The following PLD5 variants were observed in gnomAD, a reference collection of about 807,000 sequenced individuals.
PLD5 encodes the protein phospholipase D family member 5.
In PLD5, 36 loss-of-function variants were observed where a neutral mutation model predicts 61.1. That is an observed-to-expected ratio of 0.59 (90% CI 0.45 to 0.78). PLD5 has a LOEUF of 0.78. PLD5 is among the 30% of genes least tolerant of loss of function. PLD5 has a pLI of 0.00. For synonymous variants in PLD5, 243 were observed against 242.8 expected, an observed-to-expected ratio of 1.00 and a Z score of -0.01; for missense variants, 515 against 644.4, an observed-to-expected ratio of 0.80 and a Z score of 2.17.
chr1:242,398,569 T>C (rs773375449), intron 1 of PLD5, among the ~76,000 whole-genome samples: 4 of 152,224 alleles, frequency 2.6e-5, no homozygotes, highest in Admixed American at 6.5e-5. Flanking sequence ...AACTCTTGTA[T>C]TGTAATCATA....
At chr1:242,304,480 G>A (rs1224589249) in intron 2 of PLD5, among the ~76,000 whole-genome samples, 1 of 152,162 alleles carries the variant, frequency 6.6e-6, no homozygotes, top group Non-Finnish European at 1.5e-5. Flanking sequence ...CACATTGAAG[G>A]GGATGAGACA....
At chr1:242,178,995 T>C (rs1209477912) in intron 5 of PLD5, among the ~76,000 whole-genome samples, 2 of 152,226 alleles carry the variant, frequency 1.3e-5, no homozygotes, top group Non-Finnish European at 2.9e-5. Flanking sequence ...GGGAGCTGAA[T>C]ATTCAGGGAA....
At position 242,449,522 on chromosome 1, in the gene PLD5, C is replaced by T. The variant is rs994470676; in HGVS notation, c.189+74566G>A. The T allele has an allele frequency of 3.6e-5, 54 of 1,479,724 alleles. No individual in the cohort carries two copies. In the South Asian group the frequency reaches 6.1e-4, roughly 17 times the overall value. The allele number at this position is 1,479,724 out of a possible 1,614,324, so 91.7% of individuals were successfully genotyped here. ...AGTCCCTCAATTGCTGGCCTCAATG[C>T]TTTGGAAATCAGCCAAACTGAGCAC... On this transcript the variant is annotated intron_variant, in intron 1 of 9. Coordinates refer to ENST00000536534, the MANE Select transcript of PLD5 (RefSeq NM_001372062.1).
At chr1:242,291,588 T>C (rs1675368174) in intron 2 of PLD5, among the ~76,000 whole-genome samples, 1 of 151,930 alleles carries the variant, frequency 6.6e-6, no homozygotes, top group South Asian at 2.1e-4. Context: ...GGGCGGATCA[T>C]GAGGTCAGGA....
chr1:242,354,281 T>C (rs1233427674), intron 1 of PLD5, among the ~76,000 whole-genome samples: 1 of 152,168 alleles, frequency 6.6e-6, no homozygotes, highest in East Asian at 1.9e-4. Context: ...ATGGCCTTTT[T>C]CCTAGAGAGT....
chr1:242,506,129 C>T (rs1333955379), intron 1 of PLD5, among the ~76,000 whole-genome samples: 1 of 152,146 alleles, frequency 6.6e-6, no homozygotes, highest in African/African-American at 2.4e-5. Flanking sequence ...AGAATTTTAA[C>T]ACTGGGGGAA....
intron 3 of PLD5, 134 bp from the exon 4 acceptor site, chr1:242,265,582 T>C: frequency 2.6e-6 from 2 of 758,988 alleles, no homozygotes; most frequent in South Asian, 4.4e-5. Context: ...ACAACTGGTA[T>C]TCAGATTTAT....
At position 242,241,673 on chromosome 1, in the gene PLD5, C is replaced by G. The variant is rs1472952698; in HGVS notation, c.608-21558G>C. 2.0e-5 allele frequency among the ~76,000 whole-genome samples: 3 copies of G among 151,854 alleles called. No individual in the cohort carries two copies. The South Asian group carries it at 6.3e-4, about 32-fold the overall frequency. On this transcript the variant is annotated intron_variant, in intron 4 of 9. Coordinates refer to ENST00000536534, the MANE Select transcript of PLD5 (RefSeq NM_001372062.1). ...GAGGCCTGGAAACTTCTACAGGCCACTTGGTTATAAATGTGCGCAGGTTGG... is the reference window on the plus strand; with the variant it reads ...GAGGCCTGGAAACTTCTACAGGCCAGTTGGTTATAAATGTGCGCAGGTTGG...
intron 1 of PLD5, among the ~76,000 whole-genome samples, chr1:242,408,323 A>ACAATGGTG (rs112341059): frequency 0.04 from 6,094 of 152,198 alleles, 414 homozygotes; most frequent in African/African-American, 0.14. Flanking sequence ...AGTTAGAAAA[A>ACAATGGTG]CAATGGTGTT....
intron 1 of PLD5, among the ~76,000 whole-genome samples, chr1:242,441,694 C>T (rs545798132): frequency 6.1e-4 from 93 of 152,146 alleles, no homozygotes; most frequent in Non-Finnish European, 1.2e-3. Flanking sequence ...GTCAGACAGA[C>T]ACCCCTCTTC....
chr1:242,132,423 A>G (rs1663370927), intron 5 of PLD5, among the ~76,000 whole-genome samples: 1 of 152,174 alleles, frequency 6.6e-6, no homozygotes, highest in South Asian at 2.1e-4. Flanking sequence ...ACAGATGCCC[A>G]GTTTGTTGTT....
At chr1:242,488,211 C>A (rs1668027788) in intron 1 of PLD5, among the ~76,000 whole-genome samples, 1 of 152,134 alleles carries the variant, frequency 6.6e-6, no homozygotes, top group Non-Finnish European at 1.5e-5. Flanking sequence ...AGCAATTGCA[C>A]CCCTAGGTAT....
At chr1:242,267,602 C>A (rs1673764886) in intron 3 of PLD5, among the ~76,000 whole-genome samples, 1 of 152,024 alleles carries the variant, frequency 6.6e-6, no homozygotes, top group Admixed American at 6.6e-5. Context: ...AAAAAAGAGG[C>A]AGAGGCCGAG....
chr1:242,411,046 AAAT>A (rs1200712567), intron 1 of PLD5, among the ~76,000 whole-genome samples: 1 of 152,220 alleles, frequency 6.6e-6, no homozygotes, highest in Non-Finnish European at 1.5e-5. Context: ...TTGGAAGACA[AAAT>A]GATGATCTAA....
At chr1:242,304,053 T>TG (rs1676210867) in intron 2 of PLD5, among the ~76,000 whole-genome samples, 1 of 152,140 alleles carries the variant, frequency 6.6e-6, no homozygotes. Flanking sequence ...GATGCTTATC[T>TG]GGGGTAAATT....
chr1:242,225,671 C>T (rs1006688167), intron 4 of PLD5, among the ~76,000 whole-genome samples: 20 of 151,464 alleles, frequency 1.3e-4, no homozygotes, highest in South Asian at 6.4e-4. Flanking sequence ...ACATAACGCA[C>T]GTGAGACACA....
intron 4 of PLD5, among the ~76,000 whole-genome samples, chr1:242,248,790 T>C (rs570933340): frequency 1.2e-4 from 19 of 152,228 alleles, no homozygotes; most frequent in Non-Finnish European, 2.4e-4. Flanking sequence ...GCCTACAAAA[T>C]TGTGTATCTC....
upstream of PLD5, among the ~76,000 whole-genome samples, chr1:242,529,129 C>A (rs59077978): frequency 0.05 from 7,581 of 152,186 alleles, 632 homozygotes; most frequent in African/African-American, 0.18. Flanking sequence ...TCTGTAGAAA[C>A]AATTGAATAA....
chr1:242,410,742 A>G (rs1246238637), intron 1 of PLD5, among the ~76,000 whole-genome samples: 1 of 152,066 alleles, frequency 6.6e-6, no homozygotes, highest in Non-Finnish European at 1.5e-5. Context: ...CCTACTGCTC[A>G]AGGTCATCGC....
Sources: allele counts gnomAD v4.1 joint callset (sites outside exome capture counted in the v4.1 genomes callset), GRCh38; gene constraint gnomAD v4.1.1; transcripts MANE v1.5; gene names NCBI Gene and HGNC (gene_info 2026-07-23, HGNC 2026-07-21).